Variants in BLOC1S6 observed in about 807,000 individuals in gnomAD.
BLOC1S6 encodes biogenesis of lysosome-related organelles complex 1 subunit 6.
BLOC1S6 carries 24 observed loss-of-function variants against 24.7 expected under a neutral mutation model. The observed-to-expected ratio is 0.97, with a 90% CI of 0.70 to 1.37. BLOC1S6 has a LOEUF of 1.37. Among genes scored for constraint, BLOC1S6 ranks in the 40% most tolerant of loss-of-function variants. BLOC1S6 has a pLI of 0.00. For missense variants in BLOC1S6, 175 were observed against 196.2 expected (o/e 0.89, Z 0.64); for synonymous variants, 76 against 72.6 (o/e 1.05, Z -0.23).
In BLOC1S6 at chr15:45,609,458, A is replaced by G. The variant is rs1233795568; in HGVS notation, c.*2944A>G. ...AGACTTCTGTTCTTTGTTGAAAAAAATTGCCTTTGTTTTGAAATTATATCA... is the reference window on the plus strand; with the variant it reads ...AGACTTCTGTTCTTTGTTGAAAAAAGTTGCCTTTGTTTTGAAATTATATCA... On this transcript the variant is annotated 3_prime_UTR_variant, in exon 5 of 5. Coordinates refer to ENST00000220531, the MANE Select transcript of BLOC1S6 (RefSeq NM_012388.4). 6.6e-6 allele frequency: 1 copy of G among 152,224 alleles called. No individual in the cohort carries two copies. Among genetic ancestry groups the G allele is most frequent in the African/African-American group, 2.4e-5 (1 of 41,460 alleles). The allele number at this position is 152,224 out of a possible 1,614,324, so 9.4% of individuals were successfully genotyped here.
At chr15:45,589,612 G>A (rs72713177) in intron 1 of BLOC1S6, among the ~76,000 whole-genome samples, 14,244 of 152,148 alleles carry the variant, frequency 0.094, 845 homozygotes, top group Middle Eastern at 0.26. Context: ...GTGATTGCTC[G>A]TATTGTGCCC....
chr15:45,599,179 C>T (rs1372785788), intron 2 of BLOC1S6: 1 of 9,550 alleles, frequency 1.0e-4, no homozygotes, highest in Non-Finnish European at 2.0e-4. Context: ...ATACAAAAAT[C>T]AATTCAAGAT....
intron 2 of BLOC1S6, 47 bp from the exon 3 acceptor site, chr15:45,603,053 C>T (rs780056996): frequency 7.9e-7 from 1 of 1,270,052 alleles, no homozygotes; most frequent in Non-Finnish European, 1.1e-6. Flanking sequence ...AATGGACCGG[C>T]ACTTTAAATA....
intron 1 of BLOC1S6, 133 bp downstream of exon 1, chr15:45,587,658 G>A: frequency 1.1e-6 from 1 of 926,518 alleles, no homozygotes; most frequent in South Asian, 1.4e-5. Flanking sequence ...CCTGCCCCGA[G>A]TGCAGAAATG....
rs1268066493 is a variant in BLOC1S6 at position 45,592,205 on chromosome 15, A to G, written c.153A>G (p.Gln51=). 2.5e-6 allele frequency: 4 copies of G among 1,614,188 alleles called. No individual in the cohort carries two copies. The South Asian group carries it at 4.4e-5, about 18-fold the overall frequency. Residue 51 remains glutamine, a synonymous_variant, in exon 2 of 5, where the codon CAA becomes CAG. Transcript: ENST00000220531. ...DLTIEDKAVE[Q]LAEGLLSHYL... is the part of the protein sequence containing the mutation. ...CTATAGAAGACAAAGCAGTGGAGCA[A>G]CTGGCAGAAGGATTGCTTTCTCATT... is the stretch of plus-strand genomic sequence containing the variant.
chr15:45,593,300 C>T (rs549960253), intron 2 of BLOC1S6, among the ~76,000 whole-genome samples: 3 of 149,628 alleles, frequency 2.0e-5, no homozygotes, highest in Non-Finnish European at 3.0e-5. Flanking sequence ...GCAGGAGAAT[C>T]GCTCGAACTC....
rs569468490 is a variant in BLOC1S6 at position 45,607,982 on chromosome 15, A to G, written c.*1468A>G. On this transcript the variant is annotated 3_prime_UTR_variant, in exon 5 of 5. Coordinates refer to ENST00000220531, the MANE Select transcript of BLOC1S6 (RefSeq NM_012388.4). ...TACGAGGTTTCATTGTTTAAAATCA[A>G]GAGTGTATTGTTTACTGTTTTACAG... The G allele has an allele frequency of 1.3e-5, 2 of 152,682 alleles. No homozygotes were observed. The highest frequency in any genetic ancestry group is 4.1e-4 in the South Asian group (2 of 4,830). 9.5% of individuals were successfully genotyped at this position (152,682 alleles called of 1,614,324 possible).
intron 2 of BLOC1S6, among the ~76,000 whole-genome samples, chr15:45,600,717 T>C (rs1045687676): frequency 2.0e-5 from 3 of 152,174 alleles, no homozygotes; most frequent in Admixed American, 6.5e-5. Flanking sequence ...AATATTTTGT[T>C]GAGGAGTTTT....
At position 45,587,620 on chromosome 15, in the gene BLOC1S6, C is replaced by T; in HGVS notation, c.82+95C>T. The T allele has an allele frequency of 3.2e-6, 4 of 1,261,014 alleles. No homozygotes were observed. The South Asian group carries it at 5.2e-5, about 16-fold the overall frequency. 78.1% of individuals were successfully genotyped at this position (1,261,014 alleles called of 1,614,324 possible). A position where few individuals can be genotyped will look rare whatever the true frequency, so the allele number is the denominator to read the frequency against. On this transcript the variant is annotated intron_variant, in intron 1 of 4. Transcript: ENST00000220531. ...TCCGGAGAAACCCTGGGGGAGTAAG[C>T]GGTTTTTGGCGGCTGCGGCCCCCGG...
intron 2 of BLOC1S6, among the ~76,000 whole-genome samples, chr15:45,597,614 A>G (rs1894124934): frequency 6.6e-6 from 1 of 152,212 alleles, no homozygotes; most frequent in Non-Finnish European, 1.5e-5. Context: ...TTGTACCACC[A>G]TATTTCACTG....
chr15:45,595,027 G>A (rs1308134194), intron 2 of BLOC1S6, among the ~76,000 whole-genome samples: 2 of 152,012 alleles, frequency 1.3e-5, no homozygotes, highest in African/African-American at 4.8e-5. Context: ...GGAGGTTCCT[G>A]AACACAAAAC....
intron 2 of BLOC1S6, among the ~76,000 whole-genome samples, chr15:45,593,200 C>A (rs1055403851): frequency 1.3e-5 from 2 of 151,284 alleles, no homozygotes; most frequent in African/African-American, 4.9e-5. Flanking sequence ...TTTAGACCAC[C>A]CTGGCGAAAC....
intron 1 of BLOC1S6, chr15:45,587,968 C>G (rs1476732657): frequency 1.7e-6 from 1 of 576,164 alleles, no homozygotes; most frequent in Non-Finnish European, 3.1e-6. Flanking sequence ...TCTTCTCGAC[C>G]GAGTTCCAGG....
rs1394673451 is a variant in BLOC1S6, at chr15:45,587,472, A to G, written c.29A>G (p.Asp10Gly). Reference sequence around the variant, plus strand: ...AGTGTCCCTGGGCCGTCGTCTCCGGACGGGGCCCTGACACGGCCACCCTAC... The same window carrying G: ...AGTGTCCCTGGGCCGTCGTCTCCGGGCGGGGCCCTGACACGGCCACCCTAC... MSVPGPSSP[D>G]GALTRPPYCL... Residue 10 changes from aspartate to glycine, a missense_variant, in exon 1 of 5, where the codon GAC becomes GGC. Physicochemically the swap from Asp to Gly is moderately conservative, Grantham distance 94. Transcript: ENST00000220531. The G allele has an allele frequency of 1.3e-6, 2 of 1,583,320 alleles. No homozygotes were observed. Among genetic ancestry groups the G allele is most frequent in the East Asian group, 4.6e-5 (2 of 43,108 alleles).
intron 2 of BLOC1S6, among the ~76,000 whole-genome samples, chr15:45,595,001 C>G (rs1894017619): frequency 6.6e-6 from 1 of 152,106 alleles, no homozygotes; most frequent in South Asian, 2.1e-4. Context: ...TGCAGAGACA[C>G]ACAGGGTAGT....
chr15:45,590,654 C>T (rs969239593), intron 1 of BLOC1S6, among the ~76,000 whole-genome samples: 1 of 152,104 alleles, frequency 6.6e-6, no homozygotes, highest in Non-Finnish European at 1.5e-5. Flanking sequence ...GTGATCCGCC[C>T]ACCTCAGCCT....
chr15:45,592,358 C>A, intron 2 of BLOC1S6, 82 bp downstream of exon 2: 1 of 1,518,686 alleles, frequency 6.6e-7, no homozygotes, highest in Non-Finnish European at 9.1e-7. Context: ...TGTGTTAAGA[C>A]ATAATATTTT....
rs1413285659 is a variant in BLOC1S6, at chr15:45,587,417, C to T, written c.-27C>T. ...CTTCTGACGAGCCACACGTTTGCTT[C>T]TTCCCTGTGTTCCCAGCTGGAGGGA... is the stretch of plus-strand genomic sequence containing the variant. On this transcript the variant is annotated 5_prime_UTR_variant, in exon 1 of 5. Transcript: ENST00000220531. 1.9e-6 allele frequency: 3 copies of T among 1,558,108 alleles called. No homozygotes were observed. The highest frequency in any genetic ancestry group is 2.6e-6 in the Non-Finnish European group (3 of 1,149,272).
chr15:45,590,194 T>C (rs1202790787), intron 1 of BLOC1S6, among the ~76,000 whole-genome samples: 1 of 150,752 alleles, frequency 6.6e-6, no homozygotes, highest in Non-Finnish European at 1.5e-5. Context: ...TCTCTCTCTC[T>C]ATATTTTTTC....
Sources: allele counts gnomAD v4.1 joint callset (sites outside exome capture counted in the v4.1 genomes callset), GRCh38; gene constraint gnomAD v4.1.1; transcripts MANE v1.5; gene names NCBI Gene and HGNC (gene_info 2026-07-23, HGNC 2026-07-21).